ABCA3: variants seen among roughly 807,000 people sequenced by gnomAD.
ABCA3 encodes ATP binding cassette subfamily A member 3.
Under a neutral mutation model 172.8 loss-of-function variants are expected in ABCA3, and 88 were observed. The ratio of observed to expected loss-of-function variants is 0.51; its 90% CI spans 0.43 to 0.61. ABCA3 has a LOEUF of 0.61. Ranked by LOEUF, ABCA3 falls within the 20% of genes least tolerant of loss-of-function variation. ABCA3 has a pLI of 0.00. For synonymous variants in ABCA3, 1,066 were observed against 983.8 expected (o/e 1.08, Z -1.56); for missense variants, 2,164 against 2,301.0 (o/e 0.94, Z 1.22).
At position 2,284,437 on chromosome 16, in the gene ABCA3, G is replaced by A; in HGVS notation, c.3704C>T (p.Ala1235Val). ...FLMVTIMRIP[A>V]VKLEELSKTL... Reference sequence around the variant, plus strand: ...TTTGGAAAGTTCTTCCAGTTTTACAGCTGCGTTGGGGAGGTAAGATCAGTC... The same window carrying A: ...TTTGGAAAGTTCTTCCAGTTTTACAACTGCGTTGGGGAGGTAAGATCAGTC... Residue 1235 changes from alanine to valine, a missense_variant and splice_region_variant, in exon 25 of 33, where the codon GCT becomes GTT. Physicochemically the swap from Ala to Val is moderately conservative, Grantham distance 64 (BLOSUM62 0). Around this residue, in one of 3 missense-constraint regions of ABCA3, gnomAD observed 795 missense variants for 881.9 expected, o/e 0.90. Coordinates refer to ENST00000301732, the MANE Select transcript of ABCA3 (RefSeq NM_001089.3). This position sits in a 1 kb window ranked among gnomAD's most constrained non-coding sequence, Gnocchi z 5.9. 6.2e-7 allele frequency: 1 copy of A among 1,613,776 alleles called. No individual in the cohort carries two copies. The highest frequency in any genetic ancestry group is 1.7e-5 in the Admixed American group (1 of 60,028).
At chr16:2,327,183 C>T (rs984387483) in intron 3 of ABCA3, among the ~76,000 whole-genome samples, 1 of 151,852 alleles carries the variant, frequency 6.6e-6, no homozygotes, top group Non-Finnish European at 1.5e-5. Flanking sequence ...GGTGCGATCA[C>T]AGCTCACTGC....
chr16:2,306,943 A>G (rs1332580367), intron 11 of ABCA3, among the ~76,000 whole-genome samples: 9 of 135,958 alleles, frequency 6.6e-5, no homozygotes, highest in Non-Finnish European at 1.4e-4. Flanking sequence ...TGAACCCGGG[A>G]GGCGGAGCTT....
At chr16:2,289,273 G>C (rs536948508) in intron 20 of ABCA3, 161 bp downstream of exon 20, 2 of 803,514 alleles carry the variant, frequency 2.5e-6, no homozygotes, top group African/African-American at 1.7e-5. Flanking sequence ...TCTCCCTGCC[G>C]ACCCATGCGG....
At chr16:2,299,615 C>T (rs1175394340) in intron 13 of ABCA3, 83 bp from the exon 14 acceptor site, 83 of 1,596,058 alleles carry the variant, frequency 5.2e-5, no homozygotes, top group Non-Finnish European at 6.4e-5. Flanking sequence ...CCTGCCCGAC[C>T]GTCTCAGAAG....
At chr16:2,289,942 T>A (rs1048675678) in intron 19 of ABCA3, among the ~76,000 whole-genome samples, 4 of 148,114 alleles carry the variant, frequency 2.7e-5, no homozygotes, top group Non-Finnish European at 5.9e-5. Flanking sequence ...GGTGATTTTT[T>A]AATATTATGT....
chr16:2,331,333 T>C (rs2093742853), intron 1 of ABCA3, among the ~76,000 whole-genome samples: 1 of 152,072 alleles, frequency 6.6e-6, no homozygotes, highest in African/African-American at 2.4e-5. Context: ...GCCTCCCAAG[T>C]AGCTACAGGC....
In ABCA3 at chr16:2,283,219, G is replaced by A; in HGVS notation, c.4002C>T (p.Gly1334=). ...GCCTCCTCCGGAGGGCGCAGAGGAT[G>A]CCCCTGAGTCTCTGAAGCAGGTTGG... ...IETNLLQRLR[G]ILCALRRRRT... Residue 1334 remains glycine (G), a synonymous_variant, in exon 26 of 33, where the codon GGC becomes GGT. Coordinates refer to ENST00000301732, the MANE Select transcript of ABCA3 (RefSeq NM_001089.3). The surrounding 1 kb of genome is among the most constrained non-coding windows in gnomAD (Gnocchi z 5.4). The A allele has an allele frequency of 1.9e-6, 3 of 1,613,400 alleles. No individual in the cohort carries two copies. The highest frequency in any genetic ancestry group is 2.5e-6 in the Non-Finnish European group (3 of 1,179,994).
In ABCA3 at chr16:2,323,566, G is replaced by A; in HGVS notation, c.570C>T (p.Asn190=). ...GGGATGTAGGTTCCCTTGGTCCTGG[G>A]TTTGGGAAAAGCGGGAAAAGGGAAG... The part of the protein sequence containing the change: ...HTTSLFPLFP[N]PGPREPTSPD... The change falls in exon 7 of 33, where the codon AAC becomes AAT. Residue 190 remains asparagine, a synonymous_variant. Transcript: ENST00000301732. 2 of 1,614,166 alleles carry A rather than the reference G, an allele frequency of 1.2e-6. No individual in the cohort carries two copies. The highest frequency in any genetic ancestry group is 1.7e-6 in the Non-Finnish European group (2 of 1,180,028).
rs369277317 is a variant in ABCA3 at position 2,288,454 on chromosome 16, G to A, written c.2701-125C>T. The A allele has an allele frequency of 2.8e-4, 332 of 1,177,326 alleles. 3 individuals carry two copies. The Middle Eastern group carries it at 3.4e-3, about 12-fold the overall frequency. The allele number at this position is 1,177,326 out of a possible 1,614,324, so 72.9% of individuals were successfully genotyped here. ...GGGGGCCTGCAGCTGAGGTTGCACCGGAGACTCCCAGAGCGTTGAAACGGC... is the reference window on the plus strand; with the variant it reads ...GGGGGCCTGCAGCTGAGGTTGCACCAGAGACTCCCAGAGCGTTGAAACGGC... On this transcript the variant is annotated intron_variant, in intron 20 of 32. Transcript: ENST00000301732.
Position 2,287,786 on chromosome 16 carries a change from C to A in ABCA3, c.3004+240G>T, listed in dbSNP as rs2093665323. On this transcript the variant is annotated intron_variant, in intron 21 of 32. Transcript: ENST00000301732. The surrounding 1 kb of genome is among the most constrained non-coding windows in gnomAD (Gnocchi z 4.1). ...CAGTGTCTCTGGCACCTCCAGGGCA[C>A]TTCCCCTGACTCAGTGCCGTGATCT... 6.6e-6 allele frequency among the ~76,000 whole-genome samples: 1 copy of A among 152,240 alleles called. No individual in the cohort carries two copies. Among genetic ancestry groups the A allele is most frequent in the South Asian group, 2.1e-4 (1 of 4,832 alleles).
At position 2,284,956 on chromosome 16, in the gene ABCA3, C is replaced by T. The variant is rs780183402; in HGVS notation, c.3526G>A (p.Gly1176Ser). 8.1e-6 allele frequency: 13 copies of T among 1,613,624 alleles called. No homozygotes were observed. The highest frequency in any genetic ancestry group is 5.0e-5 in the Admixed American group (3 of 59,996). ...AGCAGCAGGGTGTCAGCCATGTGGC[C>T]GTCCCGCGTGAAGGCACGCACGTCG... ...AFDVRAFTRD[G>S]HMADTLLLLL... The change falls in exon 24 of 33, where the codon GGC (glycine) becomes AGC (serine). Residue 1176 changes from glycine to serine, a missense_variant. This residue lies in a region of ABCA3 where 795 missense variants were observed against 881.9 expected (regional missense o/e 0.90). Coordinates refer to ENST00000301732, the MANE Select transcript of ABCA3 (RefSeq NM_001089.3). The surrounding 1 kb of genome is among the most constrained non-coding windows in gnomAD (Gnocchi z 5.9).
chr16:2,306,673 C>G (rs987033863), intron 11 of ABCA3, among the ~76,000 whole-genome samples: 3 of 152,148 alleles, frequency 2.0e-5, no homozygotes, highest in Admixed American at 2.0e-4. Flanking sequence ...AGAATGAGAG[C>G]CCACAGGCCA....
intron 20 of ABCA3, among the ~76,000 whole-genome samples, chr16:2,288,873 G>A (rs755612853): frequency 3.9e-5 from 6 of 152,098 alleles, no homozygotes; most frequent in Non-Finnish European, 7.4e-5. Context: ...TCTCAGGACA[G>A]TAGAGGACCA....
chr16:2,285,459 G>A lies in ABCA3; in HGVS notation c.3466C>T (p.Pro1156Ser), dbSNP rs757829768. ...LLWDLISFLI[P>S]SLLLLVVFKA... ...GCGCTCACCAGCAGCAGCAGACTGG[G>A]GATGAGGAAGGAGATGAGGTCCCAC... The change falls in exon 23 of 33, where the codon CCC becomes TCC. Residue 1156 changes from proline to serine, a missense_variant. By Grantham distance (74) the Pro-to-Ser change is moderately conservative. Around this residue, in one of 3 missense-constraint regions of ABCA3, gnomAD observed 795 missense variants for 881.9 expected, o/e 0.90. Transcript: ENST00000301732. The surrounding 1 kb of genome is among the most constrained non-coding windows in gnomAD (Gnocchi z 4.7). 7 of 1,610,974 alleles carry A rather than the reference G, an allele frequency of 4.3e-6. No individual in the cohort carries two copies. The South Asian group carries it at 6.6e-5, about 15-fold the overall frequency.
intron 1 of ABCA3, among the ~76,000 whole-genome samples, chr16:2,331,907 G>A (rs978021178): frequency 2.0e-5 from 3 of 152,166 alleles, no homozygotes; most frequent in African/African-American, 7.2e-5. Context: ...CACTAGTCCC[G>A]GGACACAGTC....
In ABCA3 at chr16:2,276,550, T is replaced by C. The variant is rs1596825368; in HGVS notation, c.*124A>G. Reference sequence around the variant, plus strand: ...TTCTGTGCATACTGCCTTGAATTTTTCATATCCATCATAGAAAAAAGTGAT... The same window carrying C: ...TTCTGTGCATACTGCCTTGAATTTTCCATATCCATCATAGAAAAAAGTGAT... On this transcript the variant is annotated 3_prime_UTR_variant, in exon 33 of 33. Transcript: ENST00000301732. 56 of 1,486,290 alleles carry C rather than the reference T, an allele frequency of 3.8e-5. 1 individual carries two copies. In the South Asian group the frequency reaches 6.7e-4, roughly 18 times the overall value. The allele number at this position is 1,486,290 out of a possible 1,614,324, so 92.1% of individuals were successfully genotyped here.
intron 10 of ABCA3, among the ~76,000 whole-genome samples, chr16:2,310,135 G>A (rs894482948): frequency 6.6e-6 from 1 of 152,234 alleles, no homozygotes; most frequent in South Asian, 2.1e-4. Flanking sequence ...GCTGGGTGTG[G>A]TGGCTCATGC....
intron 17 of ABCA3, among the ~76,000 whole-genome samples, chr16:2,296,221 T>C (rs1189062209): frequency 1.3e-5 from 2 of 151,304 alleles, no homozygotes; most frequent in Admixed American, 1.3e-4. Flanking sequence ...GTGCAGGAGA[T>C]GGAATTCCAT....
rs1231214978 is a variant in ABCA3 at position 2,279,946 on chromosome 16, T to A, written c.4360-816A>T. Among the ~76,000 whole-genome samples, 1 of 152,218 alleles carries A rather than the reference T, an allele frequency of 6.6e-6. No homozygotes were observed. The highest frequency in any genetic ancestry group is 1.5e-5 in the Non-Finnish European group (1 of 68,030). On this transcript the variant is annotated intron_variant, in intron 28 of 32. Coordinates refer to ENST00000301732, the MANE Select transcript of ABCA3 (RefSeq NM_001089.3). The surrounding 1 kb of genome is among the most constrained non-coding windows in gnomAD (Gnocchi z 4.4). ...ATTTTTCTTTGGTAGAGACAGCATTTTGCCATGTTGGCCAGGCTGGTCTCG... is the reference window on the plus strand; with the variant it reads ...ATTTTTCTTTGGTAGAGACAGCATTATGCCATGTTGGCCAGGCTGGTCTCG...
Sources: gnomAD v4.1 joint callset for allele counts (sites outside exome capture counted in the v4.1 genomes callset) on GRCh38, gnomAD v4.1.1 for gene constraint, gnomAD v4.1.1 regional missense constraint, Gnocchi (gnomAD v3.1) non-coding constraint, MANE v1.5 for transcripts, NCBI Gene and HGNC (gene_info 2026-07-23, HGNC 2026-07-21) for gene names.